The following TUBGCP3 variants were observed in gnomAD, a reference collection of about 807,000 sequenced individuals.
TUBGCP3 encodes gamma-tubulin complex component 3.
TUBGCP3 carries 50 observed loss-of-function variants against 123.1 expected under a neutral mutation model. That is an observed-to-expected ratio of 0.41 (90% CI 0.32 to 0.51). The LOEUF (loss-of-function observed/expected upper bound fraction) is 0.51. Ranked by LOEUF, TUBGCP3 falls within the 20% of genes least tolerant of loss-of-function variation. The pLI, the probability that TUBGCP3 is intolerant of heterozygous loss-of-function variation, is 0.36. For missense variants in TUBGCP3, 882 were observed against 1,127.0 expected, an observed-to-expected ratio of 0.78 and a Z score of 3.11; for synonymous variants, 405 against 413.9, an observed-to-expected ratio of 0.98 and a Z score of 0.26.
chr13:112,531,576 A>G (rs1877578963), intron 11 of TUBGCP3, among the ~76,000 whole-genome samples: 2 of 152,212 alleles, frequency 1.3e-5, no homozygotes, highest in Non-Finnish European at 2.9e-5. Flanking sequence ...TACAGACAAC[A>G]CACTAATTTA....
At chr13:112,513,165 A>C (rs1320975609) in intron 17 of TUBGCP3, among the ~76,000 whole-genome samples, 1 of 152,242 alleles carries the variant, frequency 6.6e-6, no homozygotes, top group Non-Finnish European at 1.5e-5. Context: ...ATACAGGCTC[A>C]GTTACCTGTA....
chr13:112,504,543 T>A, intron 18 of TUBGCP3, 83 bp downstream of exon 18: 3 of 941,652 alleles, frequency 3.2e-6, no homozygotes, highest in Non-Finnish European at 4.7e-6. Flanking sequence ...CACACATACA[T>A]ACACATATAT....
intron 13 of TUBGCP3, among the ~76,000 whole-genome samples, chr13:112,523,884 T>C (rs1594141131): frequency 6.6e-6 from 1 of 152,244 alleles, no homozygotes; most frequent in East Asian, 1.9e-4. Flanking sequence ...TTCTCCTGTT[T>C]TTTGACCATT....
chr13:112,537,423 G>A (rs1378220894), intron 11 of TUBGCP3, among the ~76,000 whole-genome samples: 3 of 151,970 alleles, frequency 2.0e-5, no homozygotes, highest in Non-Finnish European at 4.4e-5. Flanking sequence ...TTCTTTCACT[G>A]CCTTAGTAAG....
intron 12 of TUBGCP3, 127 bp from the exon 13 acceptor site, chr13:112,527,177 G>T: frequency 1.2e-6 from 1 of 851,554 alleles, no homozygotes; most frequent in Non-Finnish European, 1.8e-6. Context: ...CTACAGTATG[G>T]AGCGAATTCT....
rs1278791972 is a variant in TUBGCP3 at position 112,493,609 on chromosome 13, T to C, written c.2449-3912A>G. On this transcript the variant is annotated intron_variant, in intron 20 of 21. Coordinates refer to ENST00000261965, the MANE Select transcript of TUBGCP3 (RefSeq NM_006322.6). ...GGAACATGGCCTGGTGTGCCTGAGATGCTCTGGCTATGGGAACAGGGCCTG... is the reference window on the plus strand; with the variant it reads ...GGAACATGGCCTGGTGTGCCTGAGACGCTCTGGCTATGGGAACAGGGCCTG... Among the ~76,000 whole-genome samples the C allele has an allele frequency of 2.1e-3, 190 of 89,482 alleles. No individual in the cohort carries two copies. The Middle Eastern group carries it at 0.041, about 19-fold the overall frequency. The allele number at this position is 89,482 out of a possible 152,430, so 58.7% of individuals were successfully genotyped here.
chr13:112,551,053 C>T (rs557196771), intron 8 of TUBGCP3, among the ~76,000 whole-genome samples: 3 of 151,934 alleles, frequency 2.0e-5, no homozygotes, highest in Non-Finnish European at 2.9e-5. Flanking sequence ...GAGCCGAGAT[C>T]GCGCCACTGC....
chr13:112,514,603 G>C (rs1875921056), intron 17 of TUBGCP3, among the ~76,000 whole-genome samples: 1 of 152,142 alleles, frequency 6.6e-6, no homozygotes, highest in Admixed American at 6.5e-5. Flanking sequence ...TGAATTAATA[G>C]CCAATGTTAA....
At chr13:112,595,008 G>T in the TUBGCP3 span, among the ~76,000 whole-genome samples, 2 of 152,166 alleles carry the variant, frequency 1.3e-5, no homozygotes, top group South Asian at 4.1e-4. Context: ...CACCTGAAAA[G>T]AATATATATT....
chr13:112,499,551 C>G (rs542041344), intron 19 of TUBGCP3, among the ~76,000 whole-genome samples: 1 of 151,774 alleles, frequency 6.6e-6, no homozygotes, highest in African/African-American at 2.4e-5. Context: ...ATGAGTAGAA[C>G]TATTCCAAGA....
chr13:112,522,501 G>C lies in TUBGCP3; in HGVS notation c.1564C>G (p.Leu522Val). 1 of 1,611,060 alleles carries C rather than the reference G, an allele frequency of 6.2e-7. No homozygotes were observed. Among genetic ancestry groups the C allele is most frequent in the African/African-American group, 1.3e-5 (1 of 75,018 alleles). The change falls in exon 14 of 22, where the codon CTA becomes GTA. Residue 522 changes from leucine (L) to valine (V), a missense_variant. Physicochemically the swap from Leu to Val is conservative, Grantham distance 32 (BLOSUM62 1). Coordinates refer to ENST00000261965, the MANE Select transcript of TUBGCP3 (RefSeq NM_006322.6). The part of the protein sequence containing the change: ...SAESPQDAAD[L>V]FTDLENAFQG... Reference sequence around the variant, plus strand: ...AATGCATTTTCCAAGTCTGTGAATAGGTCTGCAGCTGTAAAGAACAACAGG... The same window carrying C: ...AATGCATTTTCCAAGTCTGTGAATACGTCTGCAGCTGTAAAGAACAACAGG...
At chr13:112,594,909 A>G in the TUBGCP3 span, among the ~76,000 whole-genome samples, 3 of 152,196 alleles carry the variant, frequency 2.0e-5, no homozygotes, top group Admixed American at 1.3e-4. Context: ...TGGGGGTAAG[A>G]GAAGACAGAC....
intron 1 of TUBGCP3, among the ~76,000 whole-genome samples, chr13:112,574,640 G>A (rs532162997): frequency 3.4e-4 from 52 of 152,312 alleles, no homozygotes; most frequent in African/African-American, 1.2e-3. Flanking sequence ...AGTCATCTCC[G>A]TCAAGACAGA....
chr13:112,584,468 C>G (rs1445441922), intron 1 of TUBGCP3, among the ~76,000 whole-genome samples: 3 of 152,078 alleles, frequency 2.0e-5, no homozygotes, highest in African/African-American at 7.2e-5. Context: ...ATTATATAAC[C>G]AAAGGAAGAT....
At chr13:112,512,013 G>A (rs138777372) in intron 17 of TUBGCP3, among the ~76,000 whole-genome samples, 6 of 152,334 alleles carry the variant, frequency 3.9e-5, no homozygotes, top group African/African-American at 1.4e-4. Context: ...AGGAAAACCT[G>A]TAACTTATTA....
chr13:112,549,834 C>A (rs1362557225), intron 8 of TUBGCP3, among the ~76,000 whole-genome samples: 1 of 151,454 alleles, frequency 6.6e-6, no homozygotes. Flanking sequence ...ACTAAAAATA[C>A]CAAAAATTAG....
At chr13:112,528,225 T>G (rs1361736258) in intron 11 of TUBGCP3, among the ~76,000 whole-genome samples, 1 of 152,278 alleles carries the variant, frequency 6.6e-6, no homozygotes, top group Non-Finnish European at 1.5e-5. Context: ...ATTCTCATTT[T>G]TCAATCATAC....
At chr13:112,500,623 G>A (rs1347789856) in intron 19 of TUBGCP3, among the ~76,000 whole-genome samples, 3 of 152,178 alleles carry the variant, frequency 2.0e-5, no homozygotes, top group Non-Finnish European at 2.9e-5. Flanking sequence ...GGAGAAAAAT[G>A]ACACAACTGT....
chr13:112,504,539 T>C (rs9603903), intron 18 of TUBGCP3, 87 bp downstream of exon 18: 4 of 917,452 alleles, frequency 4.4e-6, no homozygotes, highest in East Asian at 5.4e-5. Context: ...TATACACACA[T>C]ACATACACAT....
Sources: gnomAD v4.1 joint callset for allele counts (sites outside exome capture counted in the v4.1 genomes callset) on GRCh38, gnomAD v4.1.1 for gene constraint, MANE v1.5 for transcripts, NCBI Gene and HGNC (gene_info 2026-07-23, HGNC 2026-07-21) for gene names.